CNTN4: variants seen among roughly 807,000 people sequenced by gnomAD.
CNTN4 encodes contactin-4.
A neutral mutation model predicts 122.5 loss-of-function variants in CNTN4; 77 were observed. The observed-to-expected ratio is 0.63, with a 90% CI of 0.52 to 0.76. The LOEUF is 0.76. Ranked by LOEUF, CNTN4 falls within the 30% of genes least tolerant of loss-of-function variation. The pLI is 0.00. For missense variants in CNTN4, 1,256 were observed against 1,259.1 expected (o/e 1.00, Z 0.04); for synonymous variants, 512 against 447.0 (o/e 1.15, Z -1.83).
intron 4 of CNTN4, among the ~76,000 whole-genome samples, chr3:2,666,983 T>C (rs970626530): frequency 6.6e-6 from 1 of 152,046 alleles, no homozygotes; most frequent in Non-Finnish European, 1.5e-5. Flanking sequence ...CTTAATCCAC[T>C]CTATCATTGA....
chr3:2,508,467 T>A (rs2076795450), intron 3 of CNTN4, among the ~76,000 whole-genome samples: 1 of 152,210 alleles, frequency 6.6e-6, no homozygotes, highest in Non-Finnish European at 1.5e-5. Context: ...CTCAAACTGT[T>A]GGGAAATTGT....
chr3:2,451,886 A>G (rs1020575654), intron 3 of CNTN4, among the ~76,000 whole-genome samples: 2 of 152,122 alleles, frequency 1.3e-5, no homozygotes, highest in Admixed American at 6.6e-5. Flanking sequence ...TAACCCATTT[A>G]TCTCTTTCCC....
At chr3:2,595,561 C>T (rs1028266557) in intron 4 of CNTN4, among the ~76,000 whole-genome samples, 1 of 152,122 alleles carries the variant, frequency 6.6e-6, no homozygotes, top group African/African-American at 2.4e-5. Context: ...CCTACCTTGT[C>T]AATGAAGGAT....
intron 3 of CNTN4, among the ~76,000 whole-genome samples, chr3:2,382,338 G>A (rs1342017856): frequency 6.6e-6 from 1 of 151,900 alleles, no homozygotes; most frequent in Admixed American, 6.6e-5. Flanking sequence ...TGTACTTTTA[G>A]TAGAGACTGG....
chr3:2,893,653 A>G (rs2094071300), intron 10 of CNTN4, among the ~76,000 whole-genome samples: 1 of 152,130 alleles, frequency 6.6e-6, no homozygotes, highest in Non-Finnish European at 1.5e-5. Flanking sequence ...CTAATAAGAA[A>G]CGTTAAGCCA....
intron 2 of CNTN4, among the ~76,000 whole-genome samples, chr3:2,281,394 C>A (rs994696819): frequency 6.6e-6 from 1 of 152,056 alleles, no homozygotes; most frequent in South Asian, 2.1e-4. Context: ...GCTTGTTAGT[C>A]CCCATGGCCT....
Position 2,523,770 on chromosome 3 carries a change from G to A in CNTN4, c.-88-47646G>A, listed in dbSNP as rs1038247939. On this transcript the variant is annotated intron_variant, in intron 3 of 24. Transcript: ENST00000418658. ...AGCTTTATTTACCCAGAATCCTCAC[G>A]TAAGAGGTAGTCATCTGGGTGCTTA... Among the ~76,000 whole-genome samples, 6 of 152,114 alleles carry A rather than the reference G, an allele frequency of 3.9e-5. No individual in the cohort carries two copies. The South Asian group carries it at 6.2e-4, about 16-fold the overall frequency.
intron 2 of CNTN4, among the ~76,000 whole-genome samples, chr3:2,132,664 A>G (rs754210807): frequency 1.3e-5 from 2 of 152,064 alleles, no homozygotes; most frequent in Non-Finnish European, 2.9e-5. Context: ...GATTGTCATC[A>G]TTTTTCCTTA....
rs372739086 is a variant in CNTN4 at position 2,941,929 on chromosome 3, T to C, written c.1358+16150T>C. ...CGTGCCAGAGGTCTGAGGCCGTGTA[T>C]ACCGCACTTCTCACTATAACACCAG... On this transcript the variant is annotated intron_variant, in intron 13 of 24. Transcript: ENST00000418658. 2.2e-4 allele frequency among the ~76,000 whole-genome samples: 33 copies of C among 152,314 alleles called. 1 individual carries two copies. In the South Asian group the frequency reaches 6.6e-3, roughly 31 times the overall value.
intron 3 of CNTN4, among the ~76,000 whole-genome samples, chr3:2,550,725 A>G (rs527977433): frequency 1.3e-5 from 2 of 152,212 alleles, no homozygotes; most frequent in Non-Finnish European, 2.9e-5. Context: ...GATAGACTGG[A>G]TAAAGAAAAT....
At chr3:2,154,809 A>G (rs1237064480) in intron 2 of CNTN4, among the ~76,000 whole-genome samples, 1 of 152,244 alleles carries the variant, frequency 6.6e-6, no homozygotes, top group Non-Finnish European at 1.5e-5. Context: ...CAAACAATAC[A>G]GAAAAGCCAT....
chr3:2,523,354 C>A (rs1481657846), intron 3 of CNTN4, among the ~76,000 whole-genome samples: 2 of 92,178 alleles, frequency 2.2e-5, no homozygotes, highest in African/African-American at 7.3e-5. Context: ...AGCAAGAGAC[C>A]TTAAAAAAAA....
chr3:2,278,516 G>T (rs1575245706), intron 2 of CNTN4, among the ~76,000 whole-genome samples: 1 of 152,286 alleles, frequency 6.6e-6, no homozygotes, highest in East Asian at 1.9e-4. Context: ...AATGTAACAT[G>T]TTTTAGATAA....
At chr3:2,161,301 A>C (rs1261038926) in intron 2 of CNTN4, among the ~76,000 whole-genome samples, 2 of 152,136 alleles carry the variant, frequency 1.3e-5, no homozygotes, top group Non-Finnish European at 2.9e-5. Context: ...ATTATAAGAA[A>C]ATAAATGGAA....
intron 2 of CNTN4, among the ~76,000 whole-genome samples, chr3:2,140,832 ATGTGAT>A (rs2034957812): frequency 6.6e-6 from 1 of 152,152 alleles, no homozygotes; most frequent in South Asian, 2.1e-4. Context: ...CTGCTTGTTC[ATGTGAT>A]CTCTACTTCT....
intron 6 of CNTN4, among the ~76,000 whole-genome samples, chr3:2,753,874 A>T (rs1432156935): frequency 6.6e-6 from 1 of 152,218 alleles, no homozygotes; most frequent in East Asian, 1.9e-4. Context: ...ACATGCAATG[A>T]CTATACATAA....
chr3:2,129,677 T>C (rs1021496357), intron 2 of CNTN4, among the ~76,000 whole-genome samples: 1 of 151,796 alleles, frequency 6.6e-6, no homozygotes, highest in Admixed American at 6.6e-5. Flanking sequence ...AGTTAGATTG[T>C]TTCTAACAAT....
At chr3:2,708,919 T>C (rs1036979383) in intron 4 of CNTN4, among the ~76,000 whole-genome samples, 2 of 152,230 alleles carry the variant, frequency 1.3e-5, no homozygotes, top group Admixed American at 1.3e-4. Context: ...AAGAGAACTT[T>C]TAAGTGTATA....
At chr3:2,199,801 C>G (rs2038013239) in intron 2 of CNTN4, among the ~76,000 whole-genome samples, 1 of 152,096 alleles carries the variant, frequency 6.6e-6, no homozygotes, top group African/African-American at 2.4e-5. Context: ...TAAGTTGTTA[C>G]TTTAGGTTAG....
Sources: allele counts gnomAD v4.1 joint callset (sites outside exome capture counted in the v4.1 genomes callset), GRCh38; gene constraint gnomAD v4.1.1; transcripts MANE v1.5; gene names NCBI Gene and HGNC (gene_info 2026-07-23, HGNC 2026-07-21).